GABBR2: variants seen among roughly 807,000 people sequenced by gnomAD.
GABBR2 encodes the protein gamma-aminobutyric acid type B receptor subunit 2, also known as G-protein coupled receptor 51.
Under a neutral mutation model 105.6 loss-of-function variants are expected in GABBR2, and 23 were observed. The ratio of observed to expected loss-of-function variants is 0.22; its 90% CI spans 0.16 to 0.31. The LOEUF is 0.31. Among genes scored for constraint, GABBR2 ranks in the 10% least tolerant of loss-of-function variants. GABBR2 has a pLI of 1.00. For missense variants in GABBR2, 734 were observed against 1,245.5 expected (o/e 0.59, Z 6.18); for synonymous variants, 478 against 499.7 (o/e 0.96, Z 0.58).
At chr9:98,370,474 A>G (rs1165054369) in intron 12 of GABBR2, among the ~76,000 whole-genome samples, 1 of 151,788 alleles carries the variant, frequency 6.6e-6, no homozygotes, top group Non-Finnish European at 1.5e-5. Flanking sequence ...CCTAATTCCA[A>G]CTCTGGAGGG....
intron 1 of GABBR2, among the ~76,000 whole-genome samples, chr9:98,647,172 G>A (rs1194095560): frequency 1.3e-5 from 2 of 152,232 alleles, no homozygotes; most frequent in Non-Finnish European, 2.9e-5. Flanking sequence ...CAGTCCCTGT[G>A]CTATAGAGCT....
chr9:98,685,215 A>G (rs1237383813), intron 1 of GABBR2, among the ~76,000 whole-genome samples: 1 of 152,168 alleles, frequency 6.6e-6, no homozygotes, highest in Non-Finnish European at 1.5e-5. Context: ...CAGACTCCCA[A>G]GTTTTTCAGC....
chr9:98,570,556 C>T (rs117595185), intron 2 of GABBR2, among the ~76,000 whole-genome samples: 56 of 152,320 alleles, frequency 3.7e-4, no homozygotes, highest in African/African-American at 1.3e-3. Flanking sequence ...CTTTCCCATG[C>T]TCTGTCTCCA....
intron 13 of GABBR2, among the ~76,000 whole-genome samples, chr9:98,357,538 CT>C (rs1831506418): frequency 6.6e-6 from 1 of 152,036 alleles, no homozygotes; most frequent in East Asian, 1.9e-4. Context: ...GTCCCAGCTA[CT>C]TGGGGGGCTG....
intron 1 of GABBR2, among the ~76,000 whole-genome samples, chr9:98,633,349 G>A (rs894595741): frequency 1.3e-5 from 2 of 152,138 alleles, no homozygotes; most frequent in Non-Finnish European, 2.9e-5. Context: ...CAGGCCAGGC[G>A]CAGTGGCTTA....
At chr9:98,379,998 C>T (rs1338419668) in intron 11 of GABBR2, among the ~76,000 whole-genome samples, 6 of 151,272 alleles carry the variant, frequency 4.0e-5, no homozygotes, top group Non-Finnish European at 8.8e-5. Flanking sequence ...TATAAGCCAG[C>T]TAATAAAAAA....
intron 13 of GABBR2, among the ~76,000 whole-genome samples, chr9:98,312,375 C>G (rs1262762949): frequency 6.6e-6 from 1 of 152,152 alleles, no homozygotes; most frequent in Admixed American, 6.6e-5. Context: ...TTTGGATTAG[C>G]CTGAATGTTT....
At chr9:98,499,337 C>T (rs1827351671) in intron 3 of GABBR2, among the ~76,000 whole-genome samples, 1 of 152,236 alleles carries the variant, frequency 6.6e-6, no homozygotes, top group African/African-American at 2.4e-5. Flanking sequence ...TCCCTCCCCT[C>T]ATTTCACAGA....
chr9:98,424,978 A>G (rs1356184924), intron 7 of GABBR2, among the ~76,000 whole-genome samples: 1 of 152,090 alleles, frequency 6.6e-6, no homozygotes, highest in African/African-American at 2.4e-5. Flanking sequence ...ATTGGAAAAA[A>G]CTACTTTAAA....
intron 7 of GABBR2, among the ~76,000 whole-genome samples, chr9:98,420,462 G>A (rs1832763775): frequency 7.6e-6 from 1 of 131,350 alleles, no homozygotes; most frequent in Non-Finnish European, 1.6e-5. Flanking sequence ...CATGCAAAGA[G>A]TGTGTGGCCG....
At chr9:98,597,823 A>G (rs1187418703) in intron 1 of GABBR2, among the ~76,000 whole-genome samples, 1 of 151,738 alleles carries the variant, frequency 6.6e-6, no homozygotes, top group African/African-American at 2.4e-5. Flanking sequence ...TATTTTATTT[A>G]TTTTCATTTT....
chr9:98,430,674 T>A (rs1244654596), intron 7 of GABBR2, among the ~76,000 whole-genome samples: 1 of 152,126 alleles, frequency 6.6e-6, no homozygotes, highest in Non-Finnish European at 1.5e-5. Context: ...TAGTTCTCCC[T>A]CTCCATGCAG....
intron 1 of GABBR2, among the ~76,000 whole-genome samples, chr9:98,599,476 A>G (rs1422894931): frequency 6.6e-6 from 1 of 152,222 alleles, no homozygotes; most frequent in Non-Finnish European, 1.5e-5. Flanking sequence ...GAACAGAGAA[A>G]ACAAAACAAA....
At chr9:98,500,111 C>T (rs1167440555) in intron 3 of GABBR2, among the ~76,000 whole-genome samples, 3 of 152,210 alleles carry the variant, frequency 2.0e-5, no homozygotes, top group Non-Finnish European at 4.4e-5. Flanking sequence ...CAATATCTTG[C>T]CATTAACTAC....
At chr9:98,546,766 A>AAATATTGCAAAAATAAAGTTCAAGTCAGT (rs1588222267) in intron 2 of GABBR2, among the ~76,000 whole-genome samples, 3 of 130,852 alleles carry the variant, frequency 2.3e-5, no homozygotes, top group Admixed American at 8.0e-5. Flanking sequence ...TTATCATCTC[A>AAATATTGCAAAAATAAAGTTCAAGTCAGT]TTGGCCATCT....
intron 3 of GABBR2, among the ~76,000 whole-genome samples, chr9:98,518,321 T>G (rs571520079): frequency 2.6e-5 from 4 of 151,038 alleles, no homozygotes; most frequent in African/African-American, 7.3e-5. Flanking sequence ...ATACTGTAGA[T>G]ATAAGTTTTT....
At chr9:98,345,398 T>A (rs1238559985) in intron 13 of GABBR2, among the ~76,000 whole-genome samples, 1 of 152,256 alleles carries the variant, frequency 6.6e-6, no homozygotes, top group African/African-American at 2.4e-5. Context: ...GACCTTCCTC[T>A]AATTTCCTCA....
At position 98,334,940 on chromosome 9, in the gene GABBR2, A is replaced by C. The variant is rs1831087845; in HGVS notation, c.1894-23735T>G. Among the ~76,000 whole-genome samples the C allele has an allele frequency of 2.0e-5, 3 of 152,148 alleles. No homozygotes were observed. The South Asian group carries it at 6.2e-4, about 32-fold the overall frequency. Reference sequence around the variant, plus strand: ...CCTTTCCGAGCCACCATGAGTGCTGAGGTGCCTGGACACTGTGGTTCCCTT... The same window carrying C: ...CCTTTCCGAGCCACCATGAGTGCTGCGGTGCCTGGACACTGTGGTTCCCTT... On this transcript the variant is annotated intron_variant, in intron 13 of 18. Coordinates refer to ENST00000259455, the MANE Select transcript of GABBR2 (RefSeq NM_005458.8).
At chr9:98,468,104 T>C (rs1826597804) in intron 6 of GABBR2, among the ~76,000 whole-genome samples, 1 of 152,026 alleles carries the variant, frequency 6.6e-6, no homozygotes, top group Non-Finnish European at 1.5e-5. Flanking sequence ...AAAATTGAGC[T>C]CTGAATGGGC....
Sources: allele counts gnomAD v4.1 joint callset (sites outside exome capture counted in the v4.1 genomes callset), GRCh38; gene constraint gnomAD v4.1.1; transcripts MANE v1.5; gene names NCBI Gene and HGNC (gene_info 2026-07-23, HGNC 2026-07-21).